The following HAAO variants were observed in gnomAD, a reference collection of about 807,000 sequenced individuals.
HAAO encodes the protein 3-hydroxyanthranilate oxygenase.
Under a neutral mutation model 46.2 loss-of-function variants are expected in HAAO, and 49 were observed. The ratio of observed to expected loss-of-function variants is 1.06; its 90% CI spans 0.84 to 1.34. The LOEUF (loss-of-function observed/expected upper bound fraction) is 1.34. Ranked by LOEUF, HAAO falls within the 40% of genes most tolerant of loss-of-function variation. The pLI is 0.00. For missense variants in HAAO, 408 were observed against 364.5 expected, an observed-to-expected ratio of 1.12 and a Z score of -0.97; for synonymous variants, 157 against 145.2, an observed-to-expected ratio of 1.08 and a Z score of -0.58.
At chr2:42,769,082 G>T (rs1364781788) in intron 7 of HAAO, among the ~76,000 whole-genome samples, 2 of 152,144 alleles carry the variant, frequency 1.3e-5, no homozygotes, top group African/African-American at 4.8e-5. Context: ...TTCAGAGTGG[G>T]TTCCTCCTTT....
intron 4 of HAAO, among the ~76,000 whole-genome samples, chr2:42,776,530 G>GC (rs967372149): frequency 2.9e-4 from 44 of 151,500 alleles, no homozygotes; most frequent in Non-Finnish European, 4.4e-5. Context: ...GAGCCACCAT[G>GC]CCCAGCCAGC....
At chr2:42,783,053 A>G (rs1028809869) in intron 4 of HAAO, 23 of 542,474 alleles carry the variant, frequency 4.2e-5, no homozygotes, top group Non-Finnish European at 6.7e-5. Context: ...CAGAAAGCAC[A>G]GATTCTGATT....
At chr2:42,778,666 C>A (rs902830444) in intron 4 of HAAO, among the ~76,000 whole-genome samples, 19 of 151,996 alleles carry the variant, frequency 1.3e-4, no homozygotes, top group African/African-American at 4.6e-4. Context: ...GCAATTAAAG[C>A]CCCATCTTCA....
At chr2:42,792,305 G>A in intron 1 of HAAO, 152 bp downstream of exon 1, 1 of 496,866 alleles carries the variant, frequency 2.0e-6, no homozygotes, top group South Asian at 2.9e-5. Flanking sequence ...AACCGGAACA[G>A]CCTGTCTCCA....
chr2:42,787,108 G>T lies in HAAO; in HGVS notation c.159+1421C>A, dbSNP rs963671626. On this transcript the variant is annotated intron_variant, in intron 2 of 9. Transcript: ENST00000294973. ...CAGCCAGATTCCTCCCAGACACCTG[G>T]GCGTCCCTCCAGAGTGAGGACACCT... Among the ~76,000 whole-genome samples the T allele has an allele frequency of 2.6e-5, 4 of 152,134 alleles. No individual in the cohort carries two copies. The South Asian group carries it at 6.2e-4, about 24-fold the overall frequency.
chr2:42,791,031 C>A (rs1672762498), intron 1 of HAAO, among the ~76,000 whole-genome samples: 1 of 152,134 alleles, frequency 6.6e-6, no homozygotes, highest in Non-Finnish European at 1.5e-5. Flanking sequence ...TGAATAGTAA[C>A]CCCTCCTGTA....
At chr2:42,773,872 G>C (rs975476546) in intron 4 of HAAO, among the ~76,000 whole-genome samples, 1 of 152,236 alleles carries the variant, frequency 6.6e-6, no homozygotes, top group Non-Finnish European at 1.5e-5. Context: ...TTACAAGCGT[G>C]TGCCACTGCG....
At chr2:42,780,762 A>G (rs535702143) in intron 4 of HAAO, among the ~76,000 whole-genome samples, 1 of 151,786 alleles carries the variant, frequency 6.6e-6, no homozygotes, top group African/African-American at 2.4e-5. Context: ...TGCTATTGAC[A>G]GCTTTTAACA....
At chr2:42,768,608 T>C (rs1239356837) in intron 7 of HAAO, among the ~76,000 whole-genome samples, 1 of 152,110 alleles carries the variant, frequency 6.6e-6, no homozygotes, top group East Asian at 1.9e-4. Context: ...ACAGATTGAC[T>C]CATTCAAAGC....
chr2:42,769,984 A>C, intron 6 of HAAO, 126 bp from the exon 7 acceptor site: 1 of 1,206,882 alleles, frequency 8.3e-7, no homozygotes, highest in Non-Finnish European at 1.2e-6. Flanking sequence ...CTCAATGATC[A>C]AGCAGCCATG....
intron 4 of HAAO, among the ~76,000 whole-genome samples, chr2:42,776,042 C>T (rs1671546335): frequency 6.6e-6 from 1 of 151,884 alleles, no homozygotes; most frequent in Middle Eastern, 3.4e-3. Flanking sequence ...TTAAAGTGCA[C>T]TGTAAAAGCA....
chr2:42,787,016 A>G (rs1038374860), intron 2 of HAAO, among the ~76,000 whole-genome samples: 1 of 152,106 alleles, frequency 6.6e-6, no homozygotes, highest in African/African-American at 2.4e-5. Flanking sequence ...AGGCTGCCCA[A>G]GTGCTGCACC....
rs1253873624 is a variant in HAAO at position 42,767,945 on chromosome 2, C to A, written c.631-17G>T. The A allele has an allele frequency of 6.2e-7, 1 of 1,611,218 alleles. No homozygotes were observed. Among genetic ancestry groups the A allele is most frequent in the Non-Finnish European group, 8.5e-7 (1 of 1,177,534 alleles). On this transcript the variant is annotated splice_polypyrimidine_tract_variant and intron_variant, in intron 7 of 9. Coordinates refer to ENST00000294973, the MANE Select transcript of HAAO (RefSeq NM_012205.3). Reference sequence around the variant, plus strand: ...GGCGATCACCTGGTGGGAGGTGAAACAGAAACTTCTGGTGCTTCTTGCCCC... The same window carrying A: ...GGCGATCACCTGGTGGGAGGTGAAAAAGAAACTTCTGGTGCTTCTTGCCCC...
intron 4 of HAAO, among the ~76,000 whole-genome samples, chr2:42,774,850 T>C (rs752882941): frequency 6.6e-6 from 1 of 152,212 alleles, no homozygotes; most frequent in Non-Finnish European, 1.5e-5. Flanking sequence ...CCATTGGGTT[T>C]GATCAGCTCT....
At chr2:42,786,896 G>C (rs1387064798) in intron 2 of HAAO, among the ~76,000 whole-genome samples, 1 of 152,140 alleles carries the variant, frequency 6.6e-6, no homozygotes, top group Non-Finnish European at 1.5e-5. Flanking sequence ...CTATTCAGGA[G>C]GAGCCCGGAC....
At chr2:42,772,345 G>C (rs1671198350) in intron 4 of HAAO, among the ~76,000 whole-genome samples, 1 of 152,018 alleles carries the variant, frequency 6.6e-6, no homozygotes, top group African/African-American at 2.4e-5. Context: ...GCCAGACATG[G>C]TGGTGCATGT....
chr2:42,772,568 G>C (rs529715270), intron 4 of HAAO, among the ~76,000 whole-genome samples: 8 of 151,490 alleles, frequency 5.3e-5, no homozygotes, highest in Non-Finnish European at 1.0e-4. Context: ...TGGAAGTTTA[G>C]GTTTCATTAG....
chr2:42,791,772 C>T (rs1473168640), intron 1 of HAAO, among the ~76,000 whole-genome samples: 5 of 152,100 alleles, frequency 3.3e-5, no homozygotes, highest in African/African-American at 1.2e-4. Context: ...TGTGGGGCCC[C>T]GCCATGGAAC....
intron 7 of HAAO, 123 bp from the exon 8 acceptor site, chr2:42,768,051 C>G: frequency 1.3e-6 from 1 of 794,952 alleles, no homozygotes; most frequent in Non-Finnish European, 2.1e-6. Flanking sequence ...ACAGCCCCAT[C>G]ACCATGTGCT....
Sources: allele counts gnomAD v4.1 joint callset (sites outside exome capture counted in the v4.1 genomes callset), GRCh38; gene constraint gnomAD v4.1.1; transcripts MANE v1.5; gene names NCBI Gene and HGNC (gene_info 2026-07-23, HGNC 2026-07-21).